NOL10: variants seen among roughly 807,000 people sequenced by gnomAD.
NOL10 encodes H_NH0074G24.1.
NOL10 carries 58 observed loss-of-function variants against 103.5 expected under a neutral mutation model. The observed-to-expected ratio is 0.56, with a 90% CI of 0.45 to 0.70. The LOEUF is 0.70. Among genes scored for constraint, NOL10 ranks in the 30% least tolerant of loss-of-function variants. The pLI is 0.00. For synonymous variants in NOL10, 287 were observed against 282.5 expected, an observed-to-expected ratio of 1.02 and a Z score of -0.16; for missense variants, 763 against 807.3, an observed-to-expected ratio of 0.95 and a Z score of 0.67.
rs1330716987 is a variant in NOL10, at chr2:10,589,184, AG to A, written c.1702del (p.Leu568SerfsTer7). 2.4e-5 allele frequency: 38 copies of A among 1,613,952 alleles called. No homozygotes were observed. Among genetic ancestry groups the A allele is most frequent in the Non-Finnish European group, 2.8e-5 (33 of 1,179,892 alleles). ...CCGCTTCACTTTTTCCTCCTGCTGG[AG>A]GAGTCTGCGTTGCTTCCTGACCTCT... is the stretch of plus-strand genomic sequence containing the variant. ...VEEVRKQRRL[L>X]QQEEKVKRQE... is the part of the protein sequence containing the mutation. On this transcript the variant is annotated frameshift_variant, in exon 19 of 21. Coordinates refer to ENST00000381685, the MANE Select transcript of NOL10 (RefSeq NM_024894.4). LOFTEE classifies it high-confidence loss of function.
At chr2:10,580,693 C>G (rs1674701181) in intron 19 of NOL10, among the ~76,000 whole-genome samples, 1 of 98,740 alleles carries the variant, frequency 1.0e-5, no homozygotes, top group Non-Finnish European at 2.0e-5. Flanking sequence ...TATTTAGATG[C>G]ACCAGGGAGG....
chr2:10,681,024 A>G (rs1406218600), intron 3 of NOL10, among the ~76,000 whole-genome samples: 4 of 152,214 alleles, frequency 2.6e-5, no homozygotes, highest in African/African-American at 9.6e-5. Context: ...AGTGCAAATG[A>G]TATGATCACT....
At chr2:10,589,437 A>G in intron 18 of NOL10, 141 bp downstream of exon 18, 1 of 1,246,002 alleles carries the variant, frequency 8.0e-7, no homozygotes, top group South Asian at 1.6e-5. Context: ...AATAAATAAG[A>G]TAATACTCCT....
chr2:10,575,818 A>G (rs1442489704), intron 20 of NOL10, among the ~76,000 whole-genome samples: 1 of 152,178 alleles, frequency 6.6e-6, no homozygotes, highest in Non-Finnish European at 1.5e-5. Flanking sequence ...TGAGTTTCAG[A>G]GGGAATCAAC....
chr2:10,629,153 G>C (rs919584410), intron 13 of NOL10, among the ~76,000 whole-genome samples: 57 of 112,566 alleles, frequency 5.1e-4, no homozygotes, highest in Admixed American at 1.8e-3. Flanking sequence ...CCAACATCTT[G>C]AAGGGCTTTT....
At position 10,589,059 on chromosome 2, in the gene NOL10, T is replaced by C. The variant is rs761758951; in HGVS notation, c.1828A>G (p.Lys610Glu). The C allele has an allele frequency of 1.9e-6, 3 of 1,613,854 alleles. No homozygotes were observed. The highest frequency in any genetic ancestry group is 2.5e-6 in the Non-Finnish European group (3 of 1,179,888). The change falls in exon 19 of 21, where the codon AAG (lysine) becomes GAG (glutamate). Residue 610 changes from lysine (K) to glutamate (E), a missense_variant. Transcript: ENST00000381685. ...GCTACTCACTTCATCAGTTTCTGCT[T>C]TGTGGCAGAATCTTTGAAGCTTCTA... The part of the protein sequence containing the change: ...EFRSFKDSAT[K>E]QKLMNKTLED...
At chr2:10,664,947 G>A (rs1680480780) in intron 8 of NOL10, among the ~76,000 whole-genome samples, 1 of 152,164 alleles carries the variant, frequency 6.6e-6, no homozygotes, top group East Asian at 1.9e-4. Context: ...GGGTGGAAGG[G>A]AATTACACTT....
At chr2:10,678,513 T>C (rs528393355) in intron 3 of NOL10, among the ~76,000 whole-genome samples, 1 of 151,628 alleles carries the variant, frequency 6.6e-6, no homozygotes, top group Non-Finnish European at 1.5e-5. Context: ...CCACTAAGGA[T>C]AGGTTTGAAT....
At chr2:10,614,641 T>C (rs1676742953) in intron 13 of NOL10, among the ~76,000 whole-genome samples, 1 of 152,198 alleles carries the variant, frequency 6.6e-6, no homozygotes, top group South Asian at 2.1e-4. Context: ...GTTGAAGTCC[T>C]AATAAATCAG....
At chr2:10,627,536 G>C (rs957719979) in intron 13 of NOL10, among the ~76,000 whole-genome samples, 1 of 151,988 alleles carries the variant, frequency 6.6e-6, no homozygotes, top group East Asian at 1.9e-4. Flanking sequence ...TTAGTCGGGC[G>C]TGGTGGCGGG....
intron 12 of NOL10, among the ~76,000 whole-genome samples, chr2:10,648,999 T>C (rs1679276232): frequency 6.6e-6 from 1 of 151,948 alleles, no homozygotes; most frequent in Non-Finnish European, 1.5e-5. Context: ...AAAGGGCATA[T>C]GGGGAACAAT....
intron 7 of NOL10, among the ~76,000 whole-genome samples, chr2:10,668,106 T>C (rs898445435): frequency 6.6e-6 from 1 of 151,922 alleles, no homozygotes; most frequent in African/African-American, 2.4e-5. Context: ...AAGTTTAAAA[T>C]GAGATAATAA....
intron 13 of NOL10, among the ~76,000 whole-genome samples, chr2:10,643,066 AG>A (rs1678824513): frequency 6.6e-6 from 1 of 152,256 alleles, no homozygotes; most frequent in Non-Finnish European, 1.5e-5. Context: ...ATAAGTTGAC[AG>A]GAATATGAAT....
intron 20 of NOL10, among the ~76,000 whole-genome samples, chr2:10,573,169 C>A (rs1003871489): frequency 6.6e-6 from 1 of 151,988 alleles, no homozygotes; most frequent in African/African-American, 2.4e-5. Flanking sequence ...CTTATGGACA[C>A]CCAGGGAACC....
Position 10,644,452 on chromosome 2 carries a change from G to A in NOL10, c.974-80C>T, listed in dbSNP as rs2148281883. The A allele has an allele frequency of 3.0e-6, 3 of 1,011,280 alleles. No individual in the cohort carries two copies. In the East Asian group the frequency reaches 9.1e-5, roughly 31 times the overall value. 62.6% of individuals were successfully genotyped at this position (1,011,280 alleles called of 1,614,324 possible). On this transcript the variant is annotated intron_variant, in intron 12 of 20. Coordinates refer to ENST00000381685, the MANE Select transcript of NOL10 (RefSeq NM_024894.4). Reference sequence around the variant, plus strand: ...TTCTATTTGCTTTCCATTCTGAAATGCCTGAGGAACTTCTGTTAGTCAGTG... The same window carrying A: ...TTCTATTTGCTTTCCATTCTGAAATACCTGAGGAACTTCTGTTAGTCAGTG...
chr2:10,585,518 C>T (rs972406630), intron 19 of NOL10, among the ~76,000 whole-genome samples: 1 of 152,080 alleles, frequency 6.6e-6, no homozygotes, highest in East Asian at 1.9e-4. Context: ...TCATAATAGC[C>T]AAAAAGTGGA....
chr2:10,589,351 T>G, intron 18 of NOL10, 61 bp from the exon 19 acceptor site: 1 of 1,594,900 alleles, frequency 6.3e-7, no homozygotes. Context: ...ACCCCTTGGT[T>G]TCTCTGAAGC....
rs199879936 is a variant in NOL10, at chr2:10,624,663, T to TA, written c.1027-17353dup. 4.4e-4 allele frequency among the ~76,000 whole-genome samples: 64 copies of TA among 145,710 alleles called. 3 individuals are homozygous for TA. In the East Asian group the frequency reaches 9.9e-3, roughly 22 times the overall value. On this transcript the variant is annotated intron_variant, in intron 13 of 20. Coordinates refer to ENST00000381685, the MANE Select transcript of NOL10 (RefSeq NM_024894.4). ...ATAATAAAAACACTGATTATGAATT[T>TA]AAAAAAAAAAAGAAATACAAAAAGG...
chr2:10,598,828 A>G (rs1404263215), intron 17 of NOL10, among the ~76,000 whole-genome samples: 1 of 152,210 alleles, frequency 6.6e-6, no homozygotes, highest in Non-Finnish European at 1.5e-5. Flanking sequence ...ATACTCAATT[A>G]GGCTTTATTC....
Sources: allele counts gnomAD v4.1 joint callset (sites outside exome capture counted in the v4.1 genomes callset), GRCh38; gene constraint gnomAD v4.1.1; transcripts MANE v1.5; gene names NCBI Gene and HGNC (gene_info 2026-07-23, HGNC 2026-07-21).